NCOR2: variants seen among roughly 807,000 people sequenced by gnomAD.
The protein encoded by NCOR2 is CTG repeat protein 26.
Under a neutral mutation model 262.9 loss-of-function variants are expected in NCOR2, and 81 were observed. The observed-to-expected ratio is 0.31, with a 90% CI of 0.26 to 0.37. The LOEUF (loss-of-function observed/expected upper bound fraction) is 0.37. NCOR2 is among the 10% of genes least tolerant of loss of function. The probability of loss-of-function intolerance (pLI) is 1.00; values close to 1 mark genes in which losing one functional copy is unlikely to be tolerated. For missense variants in NCOR2, 3,385 were observed against 3,621.4 expected, an observed-to-expected ratio of 0.93 and a Z score of 1.68; for synonymous variants, 1,659 against 1,559.3, an observed-to-expected ratio of 1.06 and a Z score of -1.51.
Position 124,512,196 on chromosome 12 carries a change from G to A in NCOR2, c.-117-16828C>T, listed in dbSNP as rs371227037. Among the ~76,000 whole-genome samples the A allele has an allele frequency of 3.3e-5, 5 of 152,310 alleles. No homozygotes were observed. The South Asian group carries it at 1.0e-3, about 32-fold the overall frequency. On this transcript the variant is annotated intron_variant, in intron 1 of 46. Transcript: ENST00000404621. ...CAAAGTGCTGGGACTATAGGCATGAGCCACCTCGCCCGGCCAACGACAGCA... is the reference window on the plus strand; with the variant it reads ...CAAAGTGCTGGGACTATAGGCATGAACCACCTCGCCCGGCCAACGACAGCA...
intron 6 of NCOR2, 79 bp from the exon 9 acceptor site, chr12:124,449,946 C>T: frequency 6.8e-7 from 1 of 1,465,056 alleles, no homozygotes. Context: ...GGAGCCACAG[C>T]CCTGGCACGG....
At chr12:124,346,572 T>C (rs768456898) in exon 31 of NCOR2, 14 of 1,555,316 alleles carry the variant, frequency 9.0e-6, no homozygotes, top group Non-Finnish European at 1.1e-5. Context: ...ACCTGCGTGA[T>C]GGAGCCCTCC....
At position 124,481,549 on chromosome 12, in the gene NCOR2, G is replaced by A. The variant is rs1000861655; in HGVS notation, c.411+2047C>T. Among the ~76,000 whole-genome samples, 9 of 152,190 alleles carry A rather than the reference G, an allele frequency of 5.9e-5. 1 individual carries two copies. The highest frequency in any genetic ancestry group is 3.3e-4 in the Admixed American group (5 of 15,282). ...AAGAGGAATGTGCCTGGGGGAGGGC[G>A]CTCCTGCGGAGGGCACAGCCGGTGC... On this transcript the variant is annotated intron_variant, in intron 3 of 46. Coordinates refer to ENST00000405201, the Ensembl canonical transcript of NCOR2. This position sits in a 1 kb window ranked among gnomAD's most constrained non-coding sequence, Gnocchi z 4.6.
intron 20 of NCOR2, among the ~76,000 whole-genome samples, chr12:124,366,335 G>A (rs144953572): frequency 3.3e-4 from 51 of 152,310 alleles, no homozygotes; most frequent in Non-Finnish European, 6.5e-4. Context: ...CAAGCTAGTC[G>A]CAGAAGGCCT....
At chr12:124,372,025 T>C in exon 20 of NCOR2, 1 of 1,586,362 alleles carries the variant, frequency 6.3e-7, no homozygotes, top group Non-Finnish European at 8.6e-7. Context: ...CACTCACCGG[T>C]TCTTGTCGCC....
At chr12:124,332,077 A>C in intron 43 of NCOR2, 1 of 526,862 alleles carries the variant, frequency 1.9e-6, no homozygotes, top group Non-Finnish European at 3.4e-6. Context: ...CTGGGCACCT[A>C]CTATGTGCTG....
At chr12:124,498,047 G>T (rs1203615475), upstream of NCOR2, among the ~76,000 whole-genome samples, 4 of 152,208 alleles carry the variant, frequency 2.6e-5, no homozygotes, top group East Asian at 7.7e-4. Flanking sequence ...TTCTCTCTAG[G>T]TGCTAAACAG....
At chr12:124,429,303 A>C in intron 10 of NCOR2, 2 of 387,536 alleles carry the variant, frequency 5.2e-6, no homozygotes, top group East Asian at 5.0e-5. Context: ...AGGAGATGGG[A>C]AGAGTGAGAG....
chr12:124,431,351 CAGT>C (rs1177474880), intron 8 of NCOR2, among the ~76,000 whole-genome samples: 5 of 151,210 alleles, frequency 3.3e-5, no homozygotes, highest in African/African-American at 4.9e-5. Flanking sequence ...GGTACACACA[CAGT>C]AGACACACAG....
At chr12:124,340,264 G>C in intron 36 of NCOR2, 30 bp downstream of exon 38, 1 of 1,607,440 alleles carries the variant, frequency 6.2e-7, no homozygotes. Context: ...AGGAGTCCCG[G>C]AGCGGGGGGT....
chr12:124,371,948 C>T (rs2039556062), intron 20 of NCOR2, 74 bp downstream of exon 22: 3 of 1,426,420 alleles, frequency 2.1e-6, no homozygotes, highest in Admixed American at 2.2e-5. Flanking sequence ...CTGGGTGCGG[C>T]TGTCTAAGTA....
At chr12:124,536,958 A>G (rs1053230515), upstream of NCOR2, among the ~76,000 whole-genome samples, 4 of 152,260 alleles carry the variant, frequency 2.6e-5, no homozygotes, top group Non-Finnish European at 4.4e-5. Context: ...TGACTCTGCA[A>G]TCAAGAGGAA....
rs139046109 is a variant in NCOR2 at position 124,396,751 on chromosome 12, G to A, written c.1876+1368C>T. ...TCCCGGGGTGAGGGCGGGGGCTGTG[G>A]GGGTCTTCTCAGGGCTGTGGGGACC... is the stretch of plus-strand genomic sequence containing the variant. On this transcript the variant is annotated intron_variant, in intron 16 of 46. Transcript: ENST00000405201. Among the ~76,000 whole-genome samples the A allele has an allele frequency of 9.1e-3, 1,383 of 152,216 alleles. 10 individuals are homozygous for A. The highest frequency in any genetic ancestry group is 0.015 in the Non-Finnish European group (1,011 of 67,972).
intron 8 of NCOR2, among the ~76,000 whole-genome samples, chr12:124,434,715 T>G (rs1237041556): frequency 1.3e-5 from 2 of 152,164 alleles, no homozygotes; most frequent in African/African-American, 2.4e-5. Flanking sequence ...GGCAGTCATT[T>G]TAGGTGAAAA....
intron 7 of NCOR2, among the ~76,000 whole-genome samples, chr12:124,439,006 G>C (rs1241066666): frequency 9.7e-4 from 138 of 142,350 alleles, no homozygotes; most frequent in African/African-American, 3.0e-3. Context: ...GAGACCCTGA[G>C]ACAGAGGGAG....
chr12:124,521,788 G>A (rs1017949675), intron 1 of NCOR2, among the ~76,000 whole-genome samples: 2 of 152,134 alleles, frequency 1.3e-5, no homozygotes, highest in African/African-American at 4.8e-5. Context: ...TAGGCCGGGC[G>A]CAGTGGATCG....
chr12:124,513,804 G>A (rs1002326409), intron 1 of NCOR2: 1 of 152,218 alleles, frequency 6.6e-6, no homozygotes, highest in African/African-American at 2.4e-5. Flanking sequence ...TCCTTCTCAT[G>A]ACTGTATCTA....
intron 1 of NCOR2, among the ~76,000 whole-genome samples, chr12:124,544,901 G>A (rs975311789): frequency 6.6e-6 from 1 of 152,152 alleles, no homozygotes; most frequent in African/African-American, 2.4e-5. Flanking sequence ...CGGTGAAACG[G>A]AGGCAATTAT....
At chr12:124,413,324 G>A (rs928831374) in intron 13 of NCOR2, among the ~76,000 whole-genome samples, 2 of 152,216 alleles carry the variant, frequency 1.3e-5, no homozygotes, top group African/African-American at 4.8e-5. Context: ...TGGGCCAGGC[G>A]CGGCTGATCC....
Sources: allele counts gnomAD v4.1 joint callset (sites outside exome capture counted in the v4.1 genomes callset), GRCh38; gene constraint gnomAD v4.1.1; non-coding constraint Gnocchi (gnomAD v3.1); transcripts MANE v1.5; gene names NCBI Gene and HGNC (gene_info 2026-07-23, HGNC 2026-07-21).